The following FDFT1 variants were observed in gnomAD, a reference collection of about 807,000 sequenced individuals.
FDFT1 encodes the protein farnesyl-diphosphate farnesyltransferase 1.
A neutral mutation model predicts 46.8 loss-of-function variants in FDFT1; 68 were observed. The observed-to-expected ratio is 1.45, with a 90% confidence interval of 1.19 to 1.78. FDFT1 has a LOEUF of 1.78. Ranked by LOEUF, FDFT1 falls within the 40% of genes most tolerant of loss-of-function variation. The pLI, the probability that FDFT1 is intolerant of heterozygous loss-of-function variation, is 0.00. For missense variants in FDFT1, 928 were observed against 524.4 expected (o/e 1.77, Z -7.52); for synonymous variants, 351 against 185.1 (o/e 1.90, Z -7.28).
At chr8:11,808,475 C>CT in intron 1 of FDFT1, 1 of 1,305,296 alleles carries the variant, frequency 7.7e-7, no homozygotes. Flanking sequence ...CCCAGATCTG[C>CT]TTGAGTCTAT....
At chr8:11,818,110 C>T (rs747106140) in intron 3 of FDFT1, among the ~76,000 whole-genome samples, 5 of 152,126 alleles carry the variant, frequency 3.3e-5, no homozygotes, top group South Asian at 2.1e-4. Context: ...GCTTTCATTT[C>T]GTTATGTACC....
rs777154981 is a variant in FDFT1, at chr8:11,831,673, G to A, written c.1032+3G>A. Reference sequence around the variant, plus strand: ...TCATATATCAGTATATGGAAGAGGTGGGTTTTTATTTAACTACTTGGATAA... The same window carrying A: ...TCATATATCAGTATATGGAAGAGGTAGGTTTTTATTTAACTACTTGGATAA... On this transcript the variant is annotated splice_donor_region_variant and intron_variant, in intron 7 of 7. Coordinates refer to ENST00000220584, the MANE Select transcript of FDFT1 (RefSeq NM_004462.5). 3 of 1,610,588 alleles carry A rather than the reference G, an allele frequency of 1.9e-6. No individual in the cohort carries two copies. The South Asian group carries it at 3.3e-5, about 18-fold the overall frequency.
intron 3 of FDFT1, among the ~76,000 whole-genome samples, chr8:11,817,956 G>T (rs191969954): frequency 6.6e-6 from 1 of 152,170 alleles, no homozygotes; most frequent in East Asian, 1.9e-4. Flanking sequence ...TGATGTTAAG[G>T]TGTTGTTTTT....
At chr8:11,825,907 A>G in intron 4 of FDFT1, 117 bp from the exon 5 acceptor site, 1 of 550,612 alleles carries the variant, frequency 1.8e-6, no homozygotes, top group East Asian at 3.1e-5. Context: ...TTTTAAAATC[A>G]AAATGCATTC....
chr8:11,823,912 T>G (rs1809602919), intron 4 of FDFT1, among the ~76,000 whole-genome samples: 1 of 152,026 alleles, frequency 6.6e-6, no homozygotes, highest in African/African-American at 2.4e-5. Context: ...CCAGGCTAAT[T>G]TTTGTAATTT....
intron 4 of FDFT1, among the ~76,000 whole-genome samples, chr8:11,824,535 C>G (rs1347367830): frequency 6.6e-6 from 1 of 152,176 alleles, no homozygotes; most frequent in Non-Finnish European, 1.5e-5. Flanking sequence ...TCAAGCGAGC[C>G]TCCTACTTCA....
chr8:11,832,551 CAAAAAAA>C lies in FDFT1; in HGVS notation c.1032+900_1032+906del, dbSNP rs531759815. Among the ~76,000 whole-genome samples the C allele has an allele frequency of 4.4e-3, 160 of 36,372 alleles. 6 individuals carry two copies. The highest frequency in any genetic ancestry group is 6.6e-3 in the Admixed American group (14 of 2,116). 23.9% of individuals were successfully genotyped at this position (36,372 alleles called of 152,430 possible). On this transcript the variant is annotated intron_variant, in intron 7 of 7. Transcript: ENST00000220584. ...TGGGTGATAGAGTGAGACTTTGTCT[CAAAAAAA>C]AAAAAAAAAAAAAAAAAAGTCTTAG...
chr8:11,808,369 G>T (rs1807168506), intron 1 of FDFT1: 6 of 1,235,574 alleles, frequency 4.9e-6, no homozygotes, highest in African/African-American at 1.6e-5. Flanking sequence ...GGAGGCCGGG[G>T]GCGGGGCTGC....
intron 3 of FDFT1, among the ~76,000 whole-genome samples, chr8:11,816,476 G>C (rs78709955): frequency 0.19 from 29,193 of 152,138 alleles, 3,458 homozygotes; most frequent in Middle Eastern, 0.28. Flanking sequence ...CCATTTTCAC[G>C]ATACTGATTC....
intron 7 of FDFT1, among the ~76,000 whole-genome samples, chr8:11,835,876 C>G (rs565663730): frequency 6.8e-6 from 1 of 147,868 alleles, no homozygotes; most frequent in East Asian, 2.1e-4. Flanking sequence ...GCTGATGCCT[C>G]TAATCTCAGC....
chr8:11,805,331 C>T (rs1473635910), intron 1 of FDFT1, among the ~76,000 whole-genome samples: 3 of 152,174 alleles, frequency 2.0e-5, no homozygotes, highest in South Asian at 2.1e-4. Flanking sequence ...ACTTGATTTA[C>T]ACTGAATTTT....
Position 11,813,954 on chromosome 8 carries a change from C to T in FDFT1, c.381+4104C>T, listed in dbSNP as rs539858420. ...ACGTGGACCCCTTCATTGTCACTTT[C>T]TCCTGTATATTTTTGTTTTTACTTT... On this transcript the variant is annotated intron_variant, in intron 3 of 7. Coordinates refer to ENST00000220584, the MANE Select transcript of FDFT1 (RefSeq NM_004462.5). Among the ~76,000 whole-genome samples, 3 of 152,306 alleles carry T rather than the reference C, an allele frequency of 2.0e-5. No homozygotes were observed. In the South Asian group the frequency reaches 6.2e-4, roughly 32 times the overall value.
rs531298731 is a variant in FDFT1, at chr8:11,802,748, C to G, written c.-85C>G. On this transcript the variant is annotated 5_prime_UTR_variant, in exon 1 of 8. Transcript: ENST00000220584. The stretch of plus-strand genomic sequence containing the variant: ...CTGTCCGGCCAGCCCCTCGAAGCAC[C>G]TACTCCACAGGTCCAGCCGGCCGGT... The G allele has an allele frequency of 2.8e-6, 3 of 1,057,334 alleles. No individual in the cohort carries two copies. The highest frequency in any genetic ancestry group is 1.6e-5 in the African/African-American group (1 of 63,190). The allele number at this position is 1,057,334 out of a possible 1,614,324, so 65.5% of individuals were successfully genotyped here.
rs528936681 is a variant in FDFT1, at chr8:11,822,023, A to T, written c.510+145A>T. ...ATCTGTTTAGGTTGAATGTCTCATC[A>T]TAAACAGTTTATTCCAGAGTTAATT... On this transcript the variant is annotated intron_variant, in intron 4 of 7. Transcript: ENST00000220584. The T allele has an allele frequency of 1.8e-4, 167 of 948,094 alleles. No individual in the cohort carries two copies. In the African/African-American group the frequency reaches 2.6e-3, roughly 15 times the overall value. The allele number at this position is 948,094 out of a possible 1,614,324, so 58.7% of individuals were successfully genotyped here.
Position 11,826,086 on chromosome 8 carries a change from G to T in FDFT1, c.573G>T (p.Glu191Asp). The change falls in exon 5 of 8, where the codon GAG becomes GAT. Residue 191 changes from glutamate to aspartate, a missense_variant. Physicochemically the swap from Glu to Asp is conservative, Grantham distance 45 (BLOSUM62 2). Transcript: ENST00000220584. ...IGLSRLFSAS[E>D]FEDPLVGEDT... ...TTTCCCGTCTTTTCTCAGCCTCAGA[G>T]TTTGAAGACCCCTTAGTTGGTGAAG... 1 of 1,610,052 alleles carries T rather than the reference G, an allele frequency of 6.2e-7. No homozygotes were observed. Among genetic ancestry groups the T allele is most frequent in the Non-Finnish European group, 8.5e-7 (1 of 1,176,810 alleles).
chr8:11,822,401 A>G (rs907381086), intron 4 of FDFT1, among the ~76,000 whole-genome samples: 1 of 151,854 alleles, frequency 6.6e-6, no homozygotes, highest in South Asian at 2.1e-4. Context: ...TGTAGGTCCA[A>G]GGTCTTGGGC....
rs1191959752 is a variant in FDFT1 at position 11,821,893 on chromosome 8, A to G, written c.510+15A>G. 3.1e-6 allele frequency: 5 copies of G among 1,611,308 alleles called. No individual in the cohort carries two copies. Among genetic ancestry groups the G allele is most frequent in the South Asian group, 2.2e-5 (2 of 90,900 alleles). On this transcript the variant is annotated intron_variant, in intron 4 of 7. Coordinates refer to ENST00000220584, the MANE Select transcript of FDFT1 (RefSeq NM_004462.5). ...AGTGGGACAAGGTTAGTCTCATAAAACAGTGTCTGTGTGTGATGTATTAGA... is the reference window on the plus strand; with the variant it reads ...AGTGGGACAAGGTTAGTCTCATAAAGCAGTGTCTGTGTGTGATGTATTAGA...
rs574536561 is a variant in FDFT1, at chr8:11,809,778, C to G, written c.309C>G (p.Phe103Leu). Reference protein sequence around the residue: ...KVPLLHNFHSFLYQPDWRFME... With the variant: ...KVPLLHNFHSLLYQPDWRFME... ...CGCTGTTACACAACTTTCACTCTTT[C>G]CTTTACCAACCAGACTGGCGGTTCA... Residue 103 changes from phenylalanine to leucine, a missense_variant, in exon 3 of 8, where the codon TTC (phenylalanine) becomes TTG (leucine). Coordinates refer to ENST00000220584, the MANE Select transcript of FDFT1 (RefSeq NM_004462.5). 5.0e-6 allele frequency: 8 copies of G among 1,614,200 alleles called. No homozygotes were observed. Among genetic ancestry groups the G allele is most frequent in the Middle Eastern group, 1.6e-4 (1 of 6,062 alleles).
chr8:11,825,961 T>C, intron 4 of FDFT1, 63 bp from the exon 5 acceptor site: 2 of 1,203,490 alleles, frequency 1.7e-6, no homozygotes, highest in Admixed American at 2.4e-5. Context: ...GCTAATGATC[T>C]CTAGTGTGTC....
Sources: allele counts gnomAD v4.1 joint callset (sites outside exome capture counted in the v4.1 genomes callset), GRCh38; gene constraint gnomAD v4.1.1; transcripts MANE v1.5; gene names NCBI Gene and HGNC (gene_info 2026-07-23, HGNC 2026-07-21).